The following TASOR variants were observed in gnomAD, a reference collection of about 807,000 sequenced individuals.
The protein encoded by TASOR is protein TASOR.
Under a neutral mutation model 178.6 loss-of-function variants are expected in TASOR, and 53 were observed. The observed-to-expected ratio is 0.30, with a 90% CI of 0.24 to 0.37. The LOEUF (loss-of-function observed/expected upper bound fraction) is 0.37, where lower values mean the gene tolerates loss of function less well. Among genes scored for constraint, TASOR ranks in the 10% least tolerant of loss-of-function variants. The pLI is 1.00. For missense variants in TASOR, 1,815 were observed against 1,971.4 expected (o/e 0.92, Z 1.50); for synonymous variants, 713 against 696.2 (o/e 1.02, Z -0.38).
At chr3:56,644,180 G>C (rs56326318) in intron 14 of TASOR, among the ~76,000 whole-genome samples, 2,415 of 152,144 alleles carry the variant, frequency 0.016, 27 homozygotes, top group Middle Eastern at 0.027. Context: ...CATAACTTTT[G>C]GTAAAGTTAT....
At position 56,671,589 on chromosome 3, in the gene TASOR, C is replaced by T. The variant is rs775176616; in HGVS notation, c.570+11G>A. ...TCCCCAAATTGTTTTTTATAAAATG[C>T]GTTAACTCACCTGGTATCGATCAAC... On this transcript the variant is annotated intron_variant, in intron 3 of 23. Coordinates refer to ENST00000683822, the MANE Select transcript of TASOR (RefSeq NM_001365635.2). 208 of 1,528,368 alleles carry T rather than the reference C, an allele frequency of 1.4e-4. No homozygotes were observed. Among genetic ancestry groups the T allele is most frequent in the Non-Finnish European group, 1.7e-4 (192 of 1,133,760 alleles). The allele number at this position is 1,528,368 out of a possible 1,614,324, so 94.7% of individuals were successfully genotyped here.
In TASOR at chr3:56,683,214, G is replaced by A; in HGVS notation, c.-208C>T. ...AATGCGCTGCCCGGTCCTCGGAGCC[G>A]CTCCTCCCTCGGGCAGTTCTTCTGC... On this transcript the variant is annotated 5_prime_UTR_variant, in exon 1 of 24. Coordinates refer to ENST00000683822, the MANE Select transcript of TASOR (RefSeq NM_001365635.2). 2 of 515,868 alleles carry A rather than the reference G, an allele frequency of 3.9e-6. No homozygotes were observed. Among genetic ancestry groups the A allele is most frequent in the Non-Finnish European group, 6.7e-6 (2 of 297,464 alleles). 32.0% of individuals were successfully genotyped at this position (515,868 alleles called of 1,614,324 possible).
chr3:56,646,493 G>A lies in TASOR; in HGVS notation c.2215+29C>T, dbSNP rs1490302799. 4 of 1,524,916 alleles carry A rather than the reference G, an allele frequency of 2.6e-6. No individual in the cohort carries two copies. The South Asian group carries it at 5.1e-5, about 20-fold the overall frequency. 94.5% of individuals were successfully genotyped at this position (1,524,916 alleles called of 1,614,324 possible). A position where few individuals can be genotyped will look rare whatever the true frequency, so the allele number is the denominator to read the frequency against. On this transcript the variant is annotated intron_variant, in intron 14 of 23. Transcript: ENST00000683822. ...AAAGAACAGAACTACTTTATTTTTG[G>A]CTGTTATAAGAGCAATCTGATATTT...
intron 1 of TASOR, among the ~76,000 whole-genome samples, chr3:56,678,952 CAG>C (rs2031560563): frequency 1.3e-5 from 2 of 148,364 alleles, no homozygotes; most frequent in Non-Finnish European, 3.0e-5. Flanking sequence ...GCAGAGGCTG[CAG>C]TCAGCCGGGA....
In TASOR at chr3:56,633,347, A is replaced by T; in HGVS notation, c.3444T>A (p.Asp1148Glu). The change falls in exon 18 of 24, where the codon GAT becomes GAA. Residue 1148 changes from aspartate to glutamate, a missense_variant. Transcript: ENST00000683822. ...TTAAAGCCGAAGTGGAATGCTGCTC[A>T]TCAGAGTTGGTATCTTTCAAAGGAT... ...CSDPLKDTNS[D>E]EQHSTSALTE... 6.2e-7 allele frequency: 1 copy of T among 1,614,202 alleles called. No individual in the cohort carries two copies. The highest frequency in any genetic ancestry group is 8.5e-7 in the Non-Finnish European group (1 of 1,180,038).
chr3:56,657,480 T>C (rs2077497668), intron 11 of TASOR, among the ~76,000 whole-genome samples: 1 of 152,252 alleles, frequency 6.6e-6, no homozygotes. Flanking sequence ...AGGGAATGTT[T>C]GCTTTCATAT....
Position 56,668,481 on chromosome 3 carries a change from G to T in TASOR, c.813C>A (p.Pro271=), listed in dbSNP as rs1232350252. The change falls in exon 6 of 24, where the codon CCC becomes CCA. Residue 271 remains proline (P), a synonymous_variant. Transcript: ENST00000683822. ...ESMLNKSALD[P]TPKHECHVSK... is the part of the protein sequence containing the mutation. ...ACACGTGACATTCATGCTTTGGTGT[G>T]GGGTCCAAAGCACTCTTATTTAACA... The T allele has an allele frequency of 2.6e-6, 4 of 1,551,048 alleles. No homozygotes were observed. Among genetic ancestry groups the T allele is most frequent in the South Asian group, 1.2e-5 (1 of 84,042 alleles).
rs1359236496 is a variant in TASOR, at chr3:56,623,484, G to A, written c.4566C>T (p.Ser1522=). Residue 1522 remains serine, a synonymous_variant, in exon 24 of 24, where the codon AGC becomes AGT. Transcript: ENST00000683822. ...TCTCCCATATTTCTGAATGAAAATT[G>A]CTGCATACTTCTATATGTGAGATTT... ...GDEISHIEVC[S]NFHSEIWEKE... 3 of 1,612,854 alleles carry A rather than the reference G, an allele frequency of 1.9e-6. No homozygotes were observed. Among genetic ancestry groups the A allele is most frequent in the Non-Finnish European group, 2.5e-6 (3 of 1,179,968 alleles).
intron 14 of TASOR, among the ~76,000 whole-genome samples, chr3:56,643,951 A>G (rs2077183190): frequency 6.6e-6 from 1 of 152,194 alleles, no homozygotes; most frequent in South Asian, 2.1e-4. Context: ...TATAATTAGT[A>G]TGGCTTTCTC....
At chr3:56,670,274 T>C (rs9861577) in intron 3 of TASOR, 129 bp from the exon 4 acceptor site, 78,954 of 515,010 alleles carry the variant, frequency 0.15, 8,491 homozygotes, top group South Asian at 0.4. Context: ...ATCACAGAAA[T>C]CTTATATATT....
intron 11 of TASOR, among the ~76,000 whole-genome samples, chr3:56,655,866 A>G (rs2077457675): frequency 6.6e-6 from 1 of 152,170 alleles, no homozygotes; most frequent in East Asian, 1.9e-4. Flanking sequence ...CTCTCTCTCA[A>G]AATCTTATTG....
intron 17 of TASOR, among the ~76,000 whole-genome samples, chr3:56,634,895 T>G (rs527707084): frequency 6.6e-6 from 1 of 152,222 alleles, no homozygotes; most frequent in Non-Finnish European, 1.5e-5. Context: ...TATATTTAAC[T>G]TCAATTTTAG....
At chr3:56,664,843 T>C (rs546610327) in intron 7 of TASOR, among the ~76,000 whole-genome samples, 1 of 152,180 alleles carries the variant, frequency 6.6e-6, no homozygotes, top group East Asian at 1.9e-4. Context: ...TTTTAAGAAA[T>C]ACTCAGTAAC....
intron 11 of TASOR, among the ~76,000 whole-genome samples, chr3:56,654,795 T>C (rs2077434778): frequency 6.6e-6 from 1 of 152,180 alleles, no homozygotes; most frequent in African/African-American, 2.4e-5. Context: ...AAACATTGGC[T>C]CTTCCTGAGT....
In TASOR at chr3:56,633,972, C is replaced by G; in HGVS notation, c.2825-6G>C. 6.6e-7 allele frequency: 1 copy of G among 1,519,886 alleles called. No individual in the cohort carries two copies. Among genetic ancestry groups the G allele is most frequent in the Non-Finnish European group, 8.8e-7 (1 of 1,134,728 alleles). 94.1% of individuals were successfully genotyped at this position (1,519,886 alleles called of 1,614,324 possible). A position where few individuals can be genotyped will look rare whatever the true frequency, so the allele number is the denominator to read the frequency against. ...TTCTTCTGGTGATTTCATACCTATA[C>G]AGGAAGAGTTCATTATTATAAGAGC... is the stretch of plus-strand genomic sequence containing the variant. On this transcript the variant is annotated splice_region_variant and splice_polypyrimidine_tract_variant and intron_variant, in intron 17 of 23. Coordinates refer to ENST00000683822, the MANE Select transcript of TASOR (RefSeq NM_001365635.2).
Position 56,671,478 on chromosome 3 carries a change from T to C in TASOR, c.570+122A>G, listed in dbSNP as rs79269754. On this transcript the variant is annotated intron_variant, in intron 3 of 23. Coordinates refer to ENST00000683822, the MANE Select transcript of TASOR (RefSeq NM_001365635.2). ...ATAAACATTTTGCCCCATTAAATCA[T>C]GTATTCCACTTATATATCAAAAAAG... 7.9e-6 allele frequency: 5 copies of C among 631,192 alleles called. No individual in the cohort carries two copies. In the East Asian group the frequency reaches 1.5e-4, roughly 18 times the overall value. 39.1% of individuals were successfully genotyped at this position (631,192 alleles called of 1,614,324 possible).
At chr3:56,624,778 C>A (rs1296584412) in intron 22 of TASOR, 50 bp downstream of exon 22, 5 of 1,582,522 alleles carry the variant, frequency 3.2e-6, no homozygotes. Context: ...AAAATCCTTT[C>A]ATTCACATTC....
chr3:56,624,382 C>T (rs557390655), intron 23 of TASOR, 97 bp downstream of exon 23: 10 of 1,222,736 alleles, frequency 8.2e-6, no homozygotes, highest in African/African-American at 4.6e-5. Flanking sequence ...TACTGAGGTA[C>T]GTGGTTTCAA....
chr3:56,624,606 A>T lies in TASOR; in HGVS notation c.4356T>A (p.Asn1452Lys), dbSNP rs750258668. The change falls in exon 23 of 24, where the codon AAT becomes AAA. Residue 1452 changes from asparagine to lysine, a missense_variant. Transcript: ENST00000683822. ...NIKMLSSYTD[N>K]GIVVATAEDF... ...CTTCAGCAGTTGCAACCACTATTCCATTATCTGTATAACTGGAAAGCATCT... is the reference window on the plus strand; with the variant it reads ...CTTCAGCAGTTGCAACCACTATTCCTTTATCTGTATAACTGGAAAGCATCT... The T allele has an allele frequency of 1.9e-6, 3 of 1,614,022 alleles. No individual in the cohort carries two copies. In the African/African-American group the frequency reaches 4.0e-5, roughly 22 times the overall value.
Sources: allele counts gnomAD v4.1 joint callset (sites outside exome capture counted in the v4.1 genomes callset), GRCh38; gene constraint gnomAD v4.1.1; transcripts MANE v1.5; gene names NCBI Gene and HGNC (gene_info 2026-07-23, HGNC 2026-07-21).